The following CDK14 variants were observed in gnomAD, a reference collection of about 807,000 sequenced individuals.
CDK14 encodes cyclin-dependent kinase 14.
CDK14 carries 34 observed loss-of-function variants against 60.7 expected under a neutral mutation model. The observed-to-expected ratio is 0.56, with a 90% CI of 0.43 to 0.75. The LOEUF is 0.75. Ranked by LOEUF, CDK14 falls within the 30% of genes least tolerant of loss-of-function variation. The pLI, the probability that CDK14 is intolerant of heterozygous loss-of-function variation, is 0.00. For missense variants in CDK14, 482 were observed against 564.1 expected, an observed-to-expected ratio of 0.85 and a Z score of 1.47; for synonymous variants, 197 against 203.7, an observed-to-expected ratio of 0.97 and a Z score of 0.28.
chr7:90,976,316 C>T (rs1795070519), intron 9 of CDK14, among the ~76,000 whole-genome samples: 1 of 151,902 alleles, frequency 6.6e-6, no homozygotes, highest in Non-Finnish European at 1.5e-5. Context: ...ATTTGTGTGT[C>T]TTCTTTTGGA....
intron 10 of CDK14, among the ~76,000 whole-genome samples, chr7:90,991,806 A>G (rs1795545626): frequency 6.6e-6 from 1 of 152,168 alleles, no homozygotes; most frequent in Admixed American, 6.6e-5. Flanking sequence ...TGTTTTGGTG[A>G]TGCTGGAGTG....
chr7:90,647,776 A>C (rs1408596326), intron 2 of CDK14, among the ~76,000 whole-genome samples: 5 of 152,164 alleles, frequency 3.3e-5, no homozygotes. Flanking sequence ...TGATCACTTG[A>C]GCCCAGGAGT....
intron 14 of CDK14, among the ~76,000 whole-genome samples, chr7:91,144,935 G>A (rs1164986497): frequency 6.6e-6 from 1 of 152,206 alleles, no homozygotes; most frequent in Non-Finnish European, 1.5e-5. Context: ...TAAGGGCAGA[G>A]AAAAGAGAAA....
In CDK14 at chr7:90,955,835, T is replaced by TAA. The variant is rs776395979; in HGVS notation, c.947+19_947+20insAA. 1.9e-6 allele frequency: 3 copies of TAA among 1,611,658 alleles called. No homozygotes were observed. Among genetic ancestry groups the TAA allele is most frequent in the Non-Finnish European group, 2.5e-6 (3 of 1,178,506 alleles). ...GACATGTGGTGAGAAATGGAAGCTT[T>TAA]ACTCTAGCTAATCTATCTGTAGTGC... is the stretch of plus-strand genomic sequence containing the variant. On this transcript the variant is annotated intron_variant, in intron 9 of 14. Coordinates refer to ENST00000380050, the MANE Select transcript of CDK14 (RefSeq NM_001287135.2).
At chr7:91,177,573 C>G (rs1354560344) in intron 14 of CDK14, among the ~76,000 whole-genome samples, 1 of 152,118 alleles carries the variant, frequency 6.6e-6, no homozygotes, top group African/African-American at 2.4e-5. Context: ...ATTGTCTCAG[C>G]CCGAAATCTC....
intron 8 of CDK14, among the ~76,000 whole-genome samples, chr7:90,954,544 A>G (rs1214426288): frequency 6.6e-6 from 1 of 151,970 alleles, no homozygotes; most frequent in Non-Finnish European, 1.5e-5. Context: ...AAACTTACTA[A>G]AAAATAAAGA....
intron 9 of CDK14, among the ~76,000 whole-genome samples, chr7:90,978,379 T>C (rs1030036565): frequency 6.6e-6 from 1 of 152,132 alleles, no homozygotes; most frequent in African/African-American, 2.4e-5. Context: ...TAGGGGCACG[T>C]ATGTAGGGTA....
At chr7:91,200,693 G>A (rs935245646) in intron 14 of CDK14, among the ~76,000 whole-genome samples, 1 of 152,130 alleles carries the variant, frequency 6.6e-6, no homozygotes. Context: ...TACTCCAGTG[G>A]TCACTGGGAT....
At chr7:90,869,902 G>A (rs560638809) in intron 6 of CDK14, among the ~76,000 whole-genome samples, 2 of 152,314 alleles carry the variant, frequency 1.3e-5, no homozygotes, top group African/African-American at 4.8e-5. Flanking sequence ...CTTTGCCAAT[G>A]TTGCCAAAAT....
At chr7:90,778,858 TC>T (rs1805169159) in intron 4 of CDK14, among the ~76,000 whole-genome samples, 1 of 99,732 alleles carries the variant, frequency 1.0e-5, no homozygotes, top group Non-Finnish European at 2.0e-5. Context: ...CTTCCTTCCT[TC>T]CTTCCTTCCT....
At chr7:90,753,464 C>G (rs1277002866) in intron 4 of CDK14, among the ~76,000 whole-genome samples, 1 of 152,114 alleles carries the variant, frequency 6.6e-6, no homozygotes, top group Admixed American at 6.5e-5. Context: ...CCTCAGTAAG[C>G]TAGGCATTGA....
At chr7:90,866,195 A>G (rs1791174396) in intron 6 of CDK14, among the ~76,000 whole-genome samples, 1 of 151,078 alleles carries the variant, frequency 6.6e-6, no homozygotes, top group Middle Eastern at 3.4e-3. Context: ...TGTCACATAT[A>G]TGCCACTAGG....
At chr7:90,957,630 G>C (rs1265703325) in intron 9 of CDK14, among the ~76,000 whole-genome samples, 1 of 151,980 alleles carries the variant, frequency 6.6e-6, no homozygotes, top group African/African-American at 2.4e-5. Context: ...AAATACCTAG[G>C]AATCCAACTT....
intron 4 of CDK14, among the ~76,000 whole-genome samples, chr7:90,787,617 C>A (rs1223569877): frequency 1.3e-5 from 2 of 152,084 alleles, no homozygotes; most frequent in Non-Finnish European, 2.9e-5. Context: ...CAAGAAGGTC[C>A]TAGATACTGA....
intron 2 of CDK14, among the ~76,000 whole-genome samples, chr7:90,611,321 A>G (rs990232515): frequency 2.6e-5 from 4 of 152,198 alleles, no homozygotes; most frequent in African/African-American, 2.4e-5. Flanking sequence ...TCAGCTTTCT[A>G]TTCTAACCTC....
At chr7:90,621,874 A>G (rs1799777500) in intron 2 of CDK14, among the ~76,000 whole-genome samples, 1 of 152,222 alleles carries the variant, frequency 6.6e-6, no homozygotes, top group African/African-American at 2.4e-5. Context: ...GCACAGGGTC[A>G]CAGGGCTAGT....
chr7:90,612,029 C>T (rs1326437882), intron 2 of CDK14, among the ~76,000 whole-genome samples: 1 of 152,152 alleles, frequency 6.6e-6, no homozygotes, highest in Non-Finnish European at 1.5e-5. Flanking sequence ...GACGGGGTTT[C>T]ACCAGGTTGG....
At chr7:90,832,235 C>T (rs1789938396) in intron 5 of CDK14, among the ~76,000 whole-genome samples, 1 of 152,144 alleles carries the variant, frequency 6.6e-6, no homozygotes, top group Non-Finnish European at 1.5e-5. Flanking sequence ...ATAACTCCAG[C>T]ACCTAGAATA....
intron 14 of CDK14, among the ~76,000 whole-genome samples, chr7:91,121,366 A>C (rs1799776936): frequency 2.0e-5 from 3 of 152,128 alleles, no homozygotes; most frequent in South Asian, 4.1e-4. Context: ...CATTTTAACC[A>C]TCTCTCTTTG....
Sources: gnomAD v4.1 joint callset for allele counts (sites outside exome capture counted in the v4.1 genomes callset) on GRCh38, gnomAD v4.1.1 for gene constraint, MANE v1.5 for transcripts, NCBI Gene and HGNC (gene_info 2026-07-23, HGNC 2026-07-21) for gene names.